The following SUGCT variants were observed in gnomAD, a reference collection of about 807,000 sequenced individuals.
SUGCT encodes the protein succinyl-CoA:glutarate CoA-transferase.
SUGCT carries 41 observed loss-of-function variants against 55.0 expected under a neutral mutation model. The observed-to-expected ratio is 0.74, with a 90% CI of 0.58 to 0.97. SUGCT has a LOEUF of 0.97. Among genes scored for constraint, SUGCT ranks in the 50% least tolerant of loss-of-function variants. SUGCT has a pLI of 0.00. For missense variants in SUGCT, 568 were observed against 547.8 expected, an observed-to-expected ratio of 1.04 and a Z score of -0.37; for synonymous variants, 187 against 200.4, an observed-to-expected ratio of 0.93 and a Z score of 0.56.
chr7:40,506,548 G>A (rs546238648), intron 12 of SUGCT, among the ~76,000 whole-genome samples: 2 of 152,222 alleles, frequency 1.3e-5, no homozygotes, highest in African/African-American at 2.4e-5. Context: ...TACAATTGAT[G>A]TGTTTGAGTT....
At chr7:40,201,504 T>G (rs1786602415) in intron 6 of SUGCT, among the ~76,000 whole-genome samples, 1 of 152,210 alleles carries the variant, frequency 6.6e-6, no homozygotes, top group South Asian at 2.1e-4. Context: ...AAATATTTTT[T>G]CACCAGAGTT....
the SUGCT span, among the ~76,000 whole-genome samples, chr7:41,037,483 G>T: frequency 2.7e-5 from 4 of 149,978 alleles, no homozygotes; most frequent in Admixed American, 6.7e-5. Flanking sequence ...AAAGAAGACA[G>T]TAAAGTCCAT....
chr7:40,870,930 T>C, the SUGCT span, among the ~76,000 whole-genome samples: 2 of 152,204 alleles, frequency 1.3e-5, no homozygotes, highest in Non-Finnish European at 2.9e-5. Context: ...TTGAATGTCC[T>C]TTCAACACGC....
At chr7:40,759,193 C>T (rs1013801381) in intron 13 of SUGCT, among the ~76,000 whole-genome samples, 8 of 152,158 alleles carry the variant, frequency 5.3e-5, no homozygotes, top group African/African-American at 1.2e-4. Context: ...CCTTAAATAA[C>T]TGACCTCAGC....
intron 9 of SUGCT, among the ~76,000 whole-genome samples, chr7:40,385,364 G>A (rs553642699): frequency 6.6e-6 from 1 of 152,274 alleles, no homozygotes; most frequent in Non-Finnish European, 1.5e-5. Flanking sequence ...TTCTTCGGCT[G>A]TAAAATGGGG....
At chr7:40,572,851 G>A (rs1184824612) in intron 12 of SUGCT, among the ~76,000 whole-genome samples, 1 of 152,048 alleles carries the variant, frequency 6.6e-6, no homozygotes, top group African/African-American at 2.4e-5. Context: ...TGGTGTCATT[G>A]GTAGCATCCA....
chr7:40,317,676 A>G lies in SUGCT; in HGVS notation c.816+821A>G, dbSNP rs1023309307. ...TCAATGTTAGTGCTCTTGGGAGAAA[A>G]CAAAAAAGTCAGCATTTTTCATTTG... On this transcript the variant is annotated intron_variant, in intron 9 of 13. Transcript: ENST00000335693. Among the ~76,000 whole-genome samples, 4 of 152,216 alleles carry G rather than the reference A, an allele frequency of 2.6e-5. 1 individual carries two copies. The highest frequency in any genetic ancestry group is 6.5e-5 in the Admixed American group (1 of 15,280).
intron 9 of SUGCT, among the ~76,000 whole-genome samples, chr7:40,426,821 AT>A (rs553287223): frequency 5.3e-5 from 8 of 151,780 alleles, no homozygotes; most frequent in Non-Finnish European, 8.8e-5. Flanking sequence ...TTAATTTTTA[AT>A]TTTTTTTAAG....
chr7:40,321,185 C>T (rs1199252270), intron 9 of SUGCT, among the ~76,000 whole-genome samples: 1 of 148,196 alleles, frequency 6.7e-6, no homozygotes, highest in African/African-American at 2.5e-5. Flanking sequence ...AAGTGATTCT[C>T]CCCCCTCGGC....
chr7:40,736,281 A>G (rs1277223475), intron 12 of SUGCT, among the ~76,000 whole-genome samples: 2 of 124,386 alleles, frequency 1.6e-5, no homozygotes, highest in African/African-American at 7.2e-5. Context: ...AATATATAAT[A>G]TATTATAATA....
chr7:40,272,849 G>A (rs1388428996), intron 7 of SUGCT, among the ~76,000 whole-genome samples: 1 of 150,790 alleles, frequency 6.6e-6, no homozygotes, highest in East Asian at 2.0e-4. Flanking sequence ...CAGTAGAGAC[G>A]GGGTTTCACC....
rs185212889 is a variant in SUGCT at position 40,392,153 on chromosome 7, A to G, written c.817-57134A>G. Among the ~76,000 whole-genome samples, 1,125 of 152,142 alleles carry G rather than the reference A, an allele frequency of 7.4e-3. 14 individuals carry two copies. The highest frequency in any genetic ancestry group is 0.026 in the African/African-American group (1,068 of 41,492). On this transcript the variant is annotated intron_variant, in intron 9 of 13. Transcript: ENST00000335693. Reference sequence around the variant, plus strand: ...CTGTCGTGGAGTGGGGAGATGGGGGAGGGATAGAATTAGGAGATATACCTA... The same window carrying G: ...CTGTCGTGGAGTGGGGAGATGGGGGGGGGATAGAATTAGGAGATATACCTA...
intron 1 of SUGCT, among the ~76,000 whole-genome samples, chr7:40,178,133 T>A (rs1785015292): frequency 6.6e-6 from 1 of 152,238 alleles, no homozygotes. Context: ...TTCTTAAGTC[T>A]CATTTAATTT....
intron 9 of SUGCT, among the ~76,000 whole-genome samples, chr7:40,317,704 A>C (rs957590811): frequency 6.6e-6 from 1 of 152,244 alleles, no homozygotes; most frequent in Non-Finnish European, 1.5e-5. Flanking sequence ...TTCATTTGCC[A>C]GGAAATTCAT....
intron 9 of SUGCT, among the ~76,000 whole-genome samples, chr7:40,429,123 T>G (rs970088825): frequency 6.4e-5 from 1 of 15,622 alleles, no homozygotes; most frequent in African/African-American, 2.6e-4. Context: ...ATAATTACCG[T>G]TTTTTTTTTG....
At chr7:40,805,932 G>T (rs1791067223) in intron 13 of SUGCT, among the ~76,000 whole-genome samples, 1 of 152,198 alleles carries the variant, frequency 6.6e-6, no homozygotes, top group African/African-American at 2.4e-5. Flanking sequence ...CAAATGCCAG[G>T]AATATGAAAC....
At chr7:40,934,416 C>A in the SUGCT span, among the ~76,000 whole-genome samples, 1 of 152,186 alleles carries the variant, frequency 6.6e-6, no homozygotes, top group Non-Finnish European at 1.5e-5. Context: ...TTTGAGGAGG[C>A]AGTGTGTCCT....
chr7:40,631,016 C>T (rs1584167808), intron 12 of SUGCT, among the ~76,000 whole-genome samples: 2 of 152,084 alleles, frequency 1.3e-5, no homozygotes, highest in South Asian at 2.1e-4. Context: ...TCATCTAGTA[C>T]GTGGTTACTT....
chr7:40,645,346 G>T (rs546164535), intron 12 of SUGCT, among the ~76,000 whole-genome samples: 1 of 152,242 alleles, frequency 6.6e-6, no homozygotes, highest in South Asian at 2.1e-4. Context: ...GCTCTTTTCT[G>T]TCTCCCAGGC....
Sources: gnomAD v4.1 joint callset for allele counts (sites outside exome capture counted in the v4.1 genomes callset) on GRCh38, gnomAD v4.1.1 for gene constraint, MANE v1.5 for transcripts, NCBI Gene and HGNC (gene_info 2026-07-23, HGNC 2026-07-21) for gene names.